Variants in CHCHD3 observed in about 807,000 individuals in gnomAD.
CHCHD3 encodes the protein MICOS complex subunit MIC19.
A neutral mutation model predicts 38.2 loss-of-function variants in CHCHD3; 20 were observed. The observed-to-expected ratio is 0.52, with a 90% confidence interval of 0.37 to 0.76. The LOEUF is 0.76. CHCHD3 is among the 30% of genes least tolerant of loss of function. The probability of loss-of-function intolerance (pLI) is 0.00; values close to 1 mark genes in which losing one functional copy is unlikely to be tolerated. For synonymous variants in CHCHD3, 82 were observed against 100.0 expected, an observed-to-expected ratio of 0.82 and a Z score of 1.07; for missense variants, 245 against 279.2, an observed-to-expected ratio of 0.88 and a Z score of 0.87.
chr7:132,799,813 CTCTTT>C (rs1208875316), intron 6 of CHCHD3, among the ~76,000 whole-genome samples: 3 of 152,274 alleles, frequency 2.0e-5, no homozygotes, highest in Non-Finnish European at 4.4e-5. Flanking sequence ...GTATGCACAT[CTCTTT>C]TCTTTTCTTT....
rs191997733 is a variant in CHCHD3, at chr7:132,997,694, A to C, written c.252-22408T>G. ...AAAAAAAAAAAAAAAAAAAACAGCA[A>C]GAGACCAAATGTGTTCACAGCAATC... On this transcript the variant is annotated intron_variant, in intron 3 of 7. Transcript: ENST00000262570. Among the ~76,000 whole-genome samples, 284 of 149,412 alleles carry C rather than the reference A, an allele frequency of 1.9e-3. 3 individuals are homozygous for C. The highest frequency in any genetic ancestry group is 6.8e-3 in the African/African-American group (278 of 40,754).
intron 4 of CHCHD3, among the ~76,000 whole-genome samples, chr7:132,949,029 T>A (rs1810971778): frequency 6.6e-6 from 1 of 152,190 alleles, no homozygotes; most frequent in East Asian, 1.9e-4. Context: ...GTCAATGTGA[T>A]TTACAATCGC....
At position 133,054,727 on chromosome 7, in the gene CHCHD3, T is replaced by C. The variant is rs1584675494; in HGVS notation, c.169+15415A>G. On this transcript the variant is annotated intron_variant, in intron 2 of 7. Transcript: ENST00000262570. ...CTAGGCAACCACCACTTCTGCTCTT[T>C]ATACATTTGCCTATACTGGACATTT... Among the ~76,000 whole-genome samples the C allele has an allele frequency of 2.0e-5, 3 of 152,194 alleles. No individual in the cohort carries two copies. In the East Asian group the frequency reaches 5.8e-4, roughly 29 times the overall value.
intron 5 of CHCHD3, among the ~76,000 whole-genome samples, chr7:132,868,841 A>G (rs1808695082): frequency 6.6e-6 from 1 of 152,130 alleles, no homozygotes; most frequent in African/African-American, 2.4e-5. Flanking sequence ...GTCGGAGAGT[A>G]ACTGCTGTGC....
chr7:132,977,097 C>A (rs1562927279), intron 3 of CHCHD3, among the ~76,000 whole-genome samples: 1 of 152,168 alleles, frequency 6.6e-6, no homozygotes, highest in East Asian at 1.9e-4. Context: ...AATTCAGCAA[C>A]ATCAATGATA....
intron 6 of CHCHD3, among the ~76,000 whole-genome samples, chr7:132,811,603 C>T (rs1807071245): frequency 6.6e-6 from 1 of 152,328 alleles, no homozygotes; most frequent in South Asian, 2.1e-4. Context: ...TTGGATAGAA[C>T]TGCTCTTGCT....
At chr7:132,812,177 T>C (rs1256169770) in intron 6 of CHCHD3, among the ~76,000 whole-genome samples, 1 of 151,402 alleles carries the variant, frequency 6.6e-6, no homozygotes, top group Non-Finnish European at 1.5e-5. Flanking sequence ...GATCTAGAAT[T>C]GACCACTTCC....
intron 5 of CHCHD3, among the ~76,000 whole-genome samples, chr7:132,871,614 G>A (rs759540543): frequency 3.3e-5 from 5 of 152,128 alleles, no homozygotes; most frequent in South Asian, 2.1e-4. Flanking sequence ...TTCTATTTCC[G>A]CTGCCCACGT....
chr7:132,812,070 A>G (rs2117052903), intron 6 of CHCHD3, among the ~76,000 whole-genome samples: 1 of 151,774 alleles, frequency 6.6e-6, no homozygotes, highest in South Asian at 2.1e-4. Flanking sequence ...CAGTAAATAG[A>G]CCCTTCAAGA....
At chr7:132,885,878 G>T in intron 4 of CHCHD3, 133 bp from the exon 5 acceptor site, 1 of 530,754 alleles carries the variant, frequency 1.9e-6, no homozygotes. Flanking sequence ...CTCTGCCATA[G>T]AAAAACATTA....
intron 7 of CHCHD3, among the ~76,000 whole-genome samples, chr7:132,793,887 A>G (rs986779886): frequency 2.0e-5 from 3 of 152,248 alleles, no homozygotes; most frequent in Admixed American, 2.0e-4. Context: ...AACTGCTAAA[A>G]TAGGCAGTCG....
At chr7:133,075,726 T>C (rs1055238635) in intron 1 of CHCHD3, among the ~76,000 whole-genome samples, 2 of 152,080 alleles carry the variant, frequency 1.3e-5, no homozygotes, top group African/African-American at 2.4e-5. Flanking sequence ...TGGGGGTCGA[T>C]AGTACAACAC....
chr7:132,952,409 C>A (rs573116582), intron 4 of CHCHD3, among the ~76,000 whole-genome samples: 2 of 152,212 alleles, frequency 1.3e-5, no homozygotes, highest in South Asian at 4.1e-4. Flanking sequence ...CCTGCATCCA[C>A]AATTGATGGA....
chr7:133,031,774 T>C (rs1047564237), intron 2 of CHCHD3, among the ~76,000 whole-genome samples: 1 of 152,184 alleles, frequency 6.6e-6, no homozygotes, highest in Non-Finnish European at 1.5e-5. Context: ...AATAAATATA[T>C]GTACCTGCAT....
chr7:133,046,687 C>T (rs966548024), intron 2 of CHCHD3, among the ~76,000 whole-genome samples: 36 of 152,200 alleles, frequency 2.4e-4, no homozygotes, highest in African/African-American at 8.4e-4. Context: ...CTCAGCCTCC[C>T]GAGTAGCTGG....
chr7:133,021,871 G>A (rs781262731), intron 3 of CHCHD3, among the ~76,000 whole-genome samples: 4 of 152,144 alleles, frequency 2.6e-5, no homozygotes, highest in African/African-American at 7.2e-5. Context: ...TGGATCACAA[G>A]GTCAGAAGTT....
rs192753852 is a variant in CHCHD3 at position 133,041,921 on chromosome 7, C to G, written c.170-17294G>C. 1.7e-3 allele frequency among the ~76,000 whole-genome samples: 266 copies of G among 152,320 alleles called. 1 individual carries two copies. Among genetic ancestry groups the G allele is most frequent in the African/African-American group, 6.1e-3 (255 of 41,578 alleles). On this transcript the variant is annotated intron_variant, in intron 2 of 7. Transcript: ENST00000262570. The stretch of plus-strand genomic sequence containing the variant: ...TGATACGCTAATAGTCCTATGAGGA[C>G]TTCGACTATCAGCTAAAAAATAAAC...
At chr7:132,858,219 C>T (rs967854129) in intron 5 of CHCHD3, among the ~76,000 whole-genome samples, 5 of 152,006 alleles carry the variant, frequency 3.3e-5, no homozygotes, top group Admixed American at 2.6e-4. Context: ...CACTCCACCA[C>T]GCCTGGCTGA....
At chr7:132,969,775 T>C (rs1562925042) in intron 4 of CHCHD3, among the ~76,000 whole-genome samples, 1 of 152,174 alleles carries the variant, frequency 6.6e-6, no homozygotes, top group Non-Finnish European at 1.5e-5. Context: ...CATTTCCTCC[T>C]CTGCTCTTCC....
Sources: gnomAD v4.1 joint callset for allele counts (sites outside exome capture counted in the v4.1 genomes callset) on GRCh38, gnomAD v4.1.1 for gene constraint, MANE v1.5 for transcripts, NCBI Gene and HGNC (gene_info 2026-07-23, HGNC 2026-07-21) for gene names.